GOLM2: variants seen among roughly 807,000 people sequenced by gnomAD.
GOLM2 encodes the protein golgi membrane protein 2.
GOLM2 carries 26 observed loss-of-function variants against 55.9 expected under a neutral mutation model. The ratio of observed to expected loss-of-function variants is 0.47; its 90% confidence interval spans 0.34 to 0.65. GOLM2 has a LOEUF of 0.65. Ranked by LOEUF, GOLM2 falls within the 30% of genes least tolerant of loss-of-function variation. GOLM2 has a pLI of 0.01. For missense variants in GOLM2, 486 were observed against 531.8 expected (o/e 0.91, Z 0.85); for synonymous variants, 165 against 194.6 (o/e 0.85, Z 1.27).
chr15:44,310,591 G>C (rs951305561), intron 1 of GOLM2, among the ~76,000 whole-genome samples: 2 of 151,516 alleles, frequency 1.3e-5, no homozygotes, highest in Middle Eastern at 3.4e-3. Flanking sequence ...AGAGATTGAG[G>C]TAGGATCCCA....
intron 4 of GOLM2, among the ~76,000 whole-genome samples, chr15:44,332,322 T>C (rs138970521): frequency 0.033 from 5,098 of 152,232 alleles, 89 homozygotes; most frequent in South Asian, 0.072. Flanking sequence ...TTTGGGAGGC[T>C]GAGGCGGGCG....
At chr15:44,379,910 G>C in intron 7 of GOLM2, 122 bp downstream of exon 7, 2 of 503,744 alleles carry the variant, frequency 4.0e-6, no homozygotes, top group Middle Eastern at 3.4e-4. Context: ...TTGAGGTAAT[G>C]TTATTTTTTT....
chr15:44,374,740 C>T (rs749987813), intron 6 of GOLM2, among the ~76,000 whole-genome samples: 3 of 152,130 alleles, frequency 2.0e-5, no homozygotes, highest in Non-Finnish European at 2.9e-5. Context: ...AACTCTATCA[C>T]GAGACAGCAC....
chr15:44,336,846 G>T (rs992239467), intron 4 of GOLM2, among the ~76,000 whole-genome samples: 4 of 152,072 alleles, frequency 2.6e-5, no homozygotes, highest in Non-Finnish European at 5.9e-5. Context: ...AACCTGGGAG[G>T]CGGAGCTTGG....
intron 6 of GOLM2, chr15:44,355,076 T>A (rs1440109104): frequency 6.2e-6 from 1 of 162,408 alleles, no homozygotes; most frequent in Non-Finnish European, 1.3e-5. Context: ...TGACCCCCTG[T>A]TTGATGGGCA....
intron 1 of GOLM2, chr15:44,307,545 A>G (rs561670709): frequency 6.6e-6 from 1 of 152,320 alleles, no homozygotes; most frequent in African/African-American, 2.4e-5. Context: ...GCAGAATGAA[A>G]TAAAACCATT....
intron 6 of GOLM2, among the ~76,000 whole-genome samples, chr15:44,341,949 G>A (rs2079093288): frequency 6.6e-6 from 1 of 152,064 alleles, no homozygotes; most frequent in South Asian, 2.1e-4. Context: ...ACCTGCCTCA[G>A]CCTCCCAAAG....
intron 8 of GOLM2, among the ~76,000 whole-genome samples, chr15:44,383,257 A>T (rs953155297): frequency 1.3e-5 from 2 of 151,880 alleles, no homozygotes; most frequent in Non-Finnish European, 2.9e-5. Context: ...GATTGTTACT[A>T]TCATTTTTTT....
At chr15:44,381,104 A>T (rs1244282640) in intron 8 of GOLM2, 128 bp downstream of exon 8, 5 of 535,066 alleles carry the variant, frequency 9.3e-6, no homozygotes, top group Admixed American at 4.4e-5. Context: ...GAAGGTATGA[A>T]AGTGTCAAAA....
At chr15:44,358,374 G>A (rs1416896546) in intron 6 of GOLM2, among the ~76,000 whole-genome samples, 7 of 151,982 alleles carry the variant, frequency 4.6e-5, no homozygotes, top group Non-Finnish European at 8.8e-5. Flanking sequence ...ACAAAATAAA[G>A]TTTATATAGA....
At chr15:44,394,523 G>C (rs1037137615) in intron 8 of GOLM2, among the ~76,000 whole-genome samples, 12 of 152,146 alleles carry the variant, frequency 7.9e-5, no homozygotes, top group Non-Finnish European at 2.9e-5. Flanking sequence ...TCAGTGAATA[G>C]ATTGCTTCCT....
chr15:44,408,832 CGGGAGCCTGTAGTCCCAGCTACTG>C (rs1211403594), intron 9 of GOLM2, among the ~76,000 whole-genome samples: 3 of 152,066 alleles, frequency 2.0e-5, no homozygotes, highest in African/African-American at 4.8e-5. Flanking sequence ...GGAGTGGCGG[CGGGAGCCTGTAGTCCCAGCTACTG>C]GGGAGCCTGA....
chr15:44,330,705 G>A (rs941440796), intron 3 of GOLM2, among the ~76,000 whole-genome samples: 5 of 151,672 alleles, frequency 3.3e-5, no homozygotes, highest in African/African-American at 1.2e-4. Flanking sequence ...CTCCAGTCTG[G>A]GCAACAGAAT....
chr15:44,366,168 G>A (rs1041811604), intron 6 of GOLM2, among the ~76,000 whole-genome samples: 5 of 151,818 alleles, frequency 3.3e-5, no homozygotes, highest in Non-Finnish European at 7.4e-5. Context: ...GTGGTGGCGG[G>A]CGCCTGTAGT....
intron 6 of GOLM2, among the ~76,000 whole-genome samples, chr15:44,363,843 C>G (rs1567035763): frequency 1.3e-5 from 2 of 151,914 alleles, no homozygotes; most frequent in Non-Finnish European, 2.9e-5. Flanking sequence ...CACATATACA[C>G]CATGGAATAC....
intron 4 of GOLM2, among the ~76,000 whole-genome samples, chr15:44,333,978 G>C (rs2079040178): frequency 6.6e-6 from 1 of 152,134 alleles, no homozygotes; most frequent in South Asian, 2.1e-4. Context: ...GCCTCCCAAA[G>C]TGCTGGGATT....
At chr15:44,357,175 C>A (rs993579195) in intron 6 of GOLM2, among the ~76,000 whole-genome samples, 1 of 151,594 alleles carries the variant, frequency 6.6e-6, no homozygotes, top group Non-Finnish European at 1.5e-5. Context: ...CACCACCCGC[C>A]CCCCAAAAAA....
intron 4 of GOLM2, among the ~76,000 whole-genome samples, chr15:44,337,023 C>T (rs1370462259): frequency 6.6e-6 from 1 of 152,098 alleles, no homozygotes; most frequent in Admixed American, 6.6e-5. Flanking sequence ...TTTCATACTG[C>T]ATTAGAGTTT....
At chr15:44,323,146 A>G in intron 2 of GOLM2, 127 bp downstream of exon 2, 1 of 574,734 alleles carries the variant, frequency 1.7e-6, no homozygotes, top group Non-Finnish European at 3.1e-6. Context: ...CTGATGGTAA[A>G]ACATTTATCC....
Sources: allele counts gnomAD v4.1 joint callset (sites outside exome capture counted in the v4.1 genomes callset), GRCh38; gene constraint gnomAD v4.1.1; transcripts MANE v1.5; gene names NCBI Gene and HGNC (gene_info 2026-07-23, HGNC 2026-07-21).